The following SPATS2L variants were observed in gnomAD, a reference collection of about 807,000 sequenced individuals.
The protein encoded by SPATS2L is spermatogenesis associated serine rich 2 like, also known as SPATS2-like protein.
A neutral mutation model predicts 59.6 loss-of-function variants in SPATS2L; 30 were observed. That is an observed-to-expected ratio of 0.50 (90% confidence interval 0.38 to 0.68). SPATS2L has a LOEUF of 0.68. Among genes scored for constraint, SPATS2L ranks in the 30% least tolerant of loss-of-function variants. SPATS2L has a pLI of 0.00. For synonymous variants in SPATS2L, 252 were observed against 263.5 expected (o/e 0.96, Z 0.42); for missense variants, 615 against 700.0 (o/e 0.88, Z 1.37).
intron 9 of SPATS2L, among the ~76,000 whole-genome samples, chr2:200,462,399 A>G (rs1451274314): frequency 6.6e-6 from 1 of 152,218 alleles, no homozygotes; most frequent in Non-Finnish European, 1.5e-5. Context: ...ACAAATGTAG[A>G]GCCTGCACTC....
At chr2:200,422,556 G>T (rs914272510) in intron 6 of SPATS2L, among the ~76,000 whole-genome samples, 6 of 151,674 alleles carry the variant, frequency 4.0e-5, no homozygotes, top group African/African-American at 1.5e-4. Flanking sequence ...AAAAAAAGGG[G>T]GAGGAAGAAG....
intron 3 of SPATS2L, among the ~76,000 whole-genome samples, chr2:200,394,216 G>A (rs1022344623): frequency 9.2e-5 from 14 of 152,130 alleles, no homozygotes; most frequent in Admixed American, 8.5e-4. Context: ...AGTGGACCCC[G>A]TCCACCTTTT....
chr2:200,395,385 A>G (rs898455211), intron 3 of SPATS2L, among the ~76,000 whole-genome samples: 12 of 152,220 alleles, frequency 7.9e-5, no homozygotes, highest in African/African-American at 2.9e-4. Flanking sequence ...ACTGATAACT[A>G]ATTCCAATGA....
intron 3 of SPATS2L, among the ~76,000 whole-genome samples, chr2:200,395,381 A>C (rs1198564995): frequency 6.6e-6 from 1 of 152,216 alleles, no homozygotes; most frequent in South Asian, 2.1e-4. Flanking sequence ...ATGCACTGAT[A>C]ACTAATTCCA....
In SPATS2L at chr2:200,478,339, G is replaced by A. The variant is rs1393381220; in HGVS notation, c.*308G>A. ...AGAGGCTCAGTTAGCAACCTGTGTT[G>A]TAGCAGTGATGTCAGTCCATTGATT... On this transcript the variant is annotated 3_prime_UTR_variant, in exon 13 of 13. Transcript: ENST00000409140. 6 of 232,664 alleles carry A rather than the reference G, an allele frequency of 2.6e-5. No individual in the cohort carries two copies. 14.4% of individuals were successfully genotyped at this position (232,664 alleles called of 1,614,324 possible).
chr2:200,441,219 C>T (rs2084673822), intron 8 of SPATS2L, among the ~76,000 whole-genome samples: 1 of 152,108 alleles, frequency 6.6e-6, no homozygotes, highest in African/African-American at 2.4e-5. Context: ...CAACAGAGTC[C>T]CATTCTTGGG....
At position 200,456,478 on chromosome 2, in the gene SPATS2L, A is replaced by G. The variant is rs150953019; in HGVS notation, c.789-3291A>G. Among the ~76,000 whole-genome samples the G allele has an allele frequency of 3.3e-3, 501 of 152,304 alleles. 1 individual carries two copies. Among genetic ancestry groups the G allele is most frequent in the African/African-American group, 0.011 (474 of 41,560 alleles). On this transcript the variant is annotated intron_variant, in intron 8 of 12. Coordinates refer to ENST00000409140, the MANE Select transcript of SPATS2L (RefSeq NM_001100423.2). ...CTAGCCCAGAAGGTCTGAACTAACC[A>G]TTGTATATAAATGCCCAGCTTTGTT...
chr2:200,342,100 T>C (rs79708455), intron 2 of SPATS2L, among the ~76,000 whole-genome samples: 4,583 of 152,262 alleles, frequency 0.03, 87 homozygotes, highest in Middle Eastern at 0.078. Context: ...TCATGCAAAA[T>C]AAGTTTTCTT....
intron 3 of SPATS2L, among the ~76,000 whole-genome samples, chr2:200,396,402 T>C (rs1467202518): frequency 1.3e-5 from 2 of 152,178 alleles, no homozygotes; most frequent in Non-Finnish European, 2.9e-5. Context: ...ACATATTCAA[T>C]GTCTCTGCAG....
intron 2 of SPATS2L, among the ~76,000 whole-genome samples, chr2:200,353,853 G>T (rs2105850744): frequency 6.6e-6 from 1 of 152,298 alleles, no homozygotes; most frequent in Non-Finnish European, 1.5e-5. Context: ...CAGAACTCTG[G>T]TCCTCTCTTT....
chr2:200,364,051 G>C (rs1202131491), intron 2 of SPATS2L, among the ~76,000 whole-genome samples: 1 of 152,160 alleles, frequency 6.6e-6, no homozygotes, highest in African/African-American at 2.4e-5. Flanking sequence ...AGATGTTACT[G>C]TGGAATAATG....
At chr2:200,328,161 C>T (rs1447226322) in intron 1 of SPATS2L, among the ~76,000 whole-genome samples, 2 of 152,142 alleles carry the variant, frequency 1.3e-5, no homozygotes, top group Non-Finnish European at 2.9e-5. Context: ...GGGTGTTAGA[C>T]TGGTACAGAT....
chr2:200,321,077 G>A (rs1055318081), intron 1 of SPATS2L, among the ~76,000 whole-genome samples: 3 of 152,146 alleles, frequency 2.0e-5, no homozygotes, highest in African/African-American at 7.2e-5. Flanking sequence ...TTAAAAGTCA[G>A]CTCAAATTCC....
intron 7 of SPATS2L, among the ~76,000 whole-genome samples, chr2:200,440,126 C>T (rs2084591670): frequency 6.6e-6 from 1 of 152,168 alleles, no homozygotes; most frequent in Non-Finnish European, 1.5e-5. Flanking sequence ...AGATGGGCAC[C>T]CATAGAGCTG....
chr2:200,306,961 A>G, intron 1 of SPATS2L, 39 bp downstream of exon 1: 1 of 982,326 alleles, frequency 1.0e-6, no homozygotes, highest in Non-Finnish European at 1.2e-6. Context: ...CCGGCTGGGG[A>G]TGCAGGGCGC....
At chr2:200,451,732 T>C (rs992851059) in intron 8 of SPATS2L, among the ~76,000 whole-genome samples, 4 of 152,178 alleles carry the variant, frequency 2.6e-5, no homozygotes, top group Non-Finnish European at 5.9e-5. Flanking sequence ...TCTTGTACTA[T>C]ATCAGTTTCT....
chr2:200,327,410 A>C (rs1559041638), intron 1 of SPATS2L, among the ~76,000 whole-genome samples: 2 of 151,932 alleles, frequency 1.3e-5, no homozygotes, highest in African/African-American at 2.4e-5. Context: ...TCTCAAAAAA[A>C]AAAAGCTATC....
chr2:200,447,588 A>G (rs895155048), intron 8 of SPATS2L, among the ~76,000 whole-genome samples: 2 of 152,216 alleles, frequency 1.3e-5, no homozygotes, highest in South Asian at 2.1e-4. Flanking sequence ...GTTCAGTCAC[A>G]TGGAAGATGT....
At chr2:200,365,235 C>T (rs890494006) in intron 2 of SPATS2L, among the ~76,000 whole-genome samples, 6 of 152,316 alleles carry the variant, frequency 3.9e-5, no homozygotes, top group Non-Finnish European at 5.9e-5. Context: ...AAAATCACTG[C>T]GAAATACATA....
Sources: allele counts gnomAD v4.1 joint callset (sites outside exome capture counted in the v4.1 genomes callset), GRCh38; gene constraint gnomAD v4.1.1; transcripts MANE v1.5; gene names NCBI Gene and HGNC (gene_info 2026-07-23, HGNC 2026-07-21).